MYH3: variants seen among roughly 807,000 people sequenced by gnomAD.
MYH3 encodes myosin-3.
A neutral mutation model predicts 238.0 loss-of-function variants in MYH3; 130 were observed. The ratio of observed to expected loss-of-function variants is 0.55; its 90% CI spans 0.47 to 0.63. The LOEUF (loss-of-function observed/expected upper bound fraction) is 0.63, where lower values mean the gene tolerates loss of function less well. Ranked by LOEUF, MYH3 falls within the 30% of genes least tolerant of loss-of-function variation. The pLI is 0.00. For missense variants in MYH3, 1,853 were observed against 2,374.9 expected (o/e 0.78, Z 4.57); for synonymous variants, 880 against 924.1 (o/e 0.95, Z 0.86).
At chr17:10,665,610 A>G in the MYH3 span, among the ~76,000 whole-genome samples, 1 of 152,218 alleles carries the variant, frequency 6.6e-6, no homozygotes, top group Non-Finnish European at 1.5e-5. Flanking sequence ...AACAGGAGAT[A>G]TGCAAAACTT....
intron 28 of MYH3, among the ~76,000 whole-genome samples, chr17:10,637,181 T>C (rs1160397051): frequency 6.6e-6 from 1 of 151,792 alleles, no homozygotes; most frequent in Non-Finnish European, 1.5e-5. Context: ...TGCCTCAGCC[T>C]CCCAAGTAGC....
At chr17:10,648,957 G>A (rs769465178) in intron 7 of MYH3, among the ~76,000 whole-genome samples, 16 of 152,072 alleles carry the variant, frequency 1.1e-4, no homozygotes, top group Non-Finnish European at 2.1e-4. Flanking sequence ...TTACAGGCGT[G>A]AGCCACCGAG....
At chr17:10,651,716 T>C (rs1374279167) in intron 4 of MYH3, 48 bp from the exon 5 acceptor site, 1 of 1,595,136 alleles carries the variant, frequency 6.3e-7, no homozygotes, top group Non-Finnish European at 8.6e-7. Flanking sequence ...TATGTGCATA[T>C]GGAAAACCCC....
chr17:10,639,037 G>C lies in MYH3; in HGVS notation c.3248+7C>G, dbSNP rs376066845. 7 of 1,614,060 alleles carry C rather than the reference G, an allele frequency of 4.3e-6. No homozygotes were observed. The highest frequency in any genetic ancestry group is 5.1e-6 in the Non-Finnish European group (6 of 1,180,026). ...GCAAAATGGAAGCCAGTGGTTGAAG[G>C]GCATACTTCTTGAGCCTTTCGTCCA... On this transcript the variant is annotated splice_region_variant and intron_variant, in intron 25 of 40. Transcript: ENST00000583535.
At chr17:10,644,825 A>G (rs1008002192) in intron 12 of MYH3, 123 bp from the exon 13 acceptor site, 1 of 775,232 alleles carries the variant, frequency 1.3e-6, no homozygotes, top group Non-Finnish European at 2.3e-6. Flanking sequence ...GCTAAACTGC[A>G]TATACATGGC....
chr17:10,653,909 C>G (rs1816039798), intron 3 of MYH3, among the ~76,000 whole-genome samples: 1 of 152,166 alleles, frequency 6.6e-6, no homozygotes. Flanking sequence ...ATTGGAAATA[C>G]ACAGAGAGCC....
In MYH3 at chr17:10,635,872, A is replaced by G. The variant is rs1469985513; in HGVS notation, c.3857-19T>C. ...AGCTCACCTGTGTCCAGAAGGAAAT[A>G]GTTTCATTTCATTTATTCACTCATT... On this transcript the variant is annotated intron_variant, in intron 28 of 40. Transcript: ENST00000583535. The G allele has an allele frequency of 1.3e-6, 2 of 1,594,340 alleles. No homozygotes were observed. The highest frequency in any genetic ancestry group is 2.7e-5 in the African/African-American group (2 of 74,470).
the MYH3 span, among the ~76,000 whole-genome samples, chr17:10,669,620 C>A: frequency 6.6e-6 from 1 of 150,552 alleles, no homozygotes; most frequent in African/African-American, 2.4e-5. Flanking sequence ...AAGTCATCTT[C>A]AGGTTGGGCA....
intron 28 of MYH3, 63 bp downstream of exon 28, chr17:10,637,746 G>C (rs1433446165): frequency 6.2e-7 from 1 of 1,610,244 alleles, no homozygotes; most frequent in Admixed American, 1.7e-5. Context: ...CTTGGTTTTG[G>C]CCAGCTACGC....
At chr17:10,675,161 C>T in the MYH3 span, 1 of 152,246 alleles carries the variant, frequency 6.6e-6, no homozygotes, top group East Asian at 1.9e-4. Flanking sequence ...GCCCCTTCAA[C>T]TGAGGGTGAG....
chr17:10,638,560 A>C, intron 26 of MYH3, 128 bp from the exon 27 acceptor site: 1 of 1,297,082 alleles, frequency 7.7e-7, no homozygotes, highest in Non-Finnish European at 1.1e-6. Flanking sequence ...TGAATACTGC[A>C]AATTTCCTTT....
intron 4 of MYH3, 75 bp downstream of exon 4, chr17:10,652,345 A>T: frequency 6.4e-7 from 1 of 1,557,640 alleles, no homozygotes; most frequent in Non-Finnish European, 8.8e-7. Context: ...CACGGCCCAC[A>T]CACATACCTC....
rs1267341190 is a variant in MYH3, at chr17:10,642,776, G to C, written c.1581+50C>G. On this transcript the variant is annotated intron_variant, in intron 15 of 40. Transcript: ENST00000583535. This position sits in a 1 kb window ranked among gnomAD's most constrained non-coding sequence, Gnocchi z 5.4. ...AGAGGTAAATATGAGCTGCAGTAAT[G>C]AGCAGAAGAGTCTATGAGAAGAGCT... The C allele has an allele frequency of 6.2e-7, 1 of 1,614,152 alleles. No homozygotes were observed. The highest frequency in any genetic ancestry group is 8.5e-7 in the Non-Finnish European group (1 of 1,180,014).
chr17:10,651,886 G>A (rs2074379608), intron 4 of MYH3: 7 of 581,010 alleles, frequency 1.2e-5, no homozygotes, highest in Admixed American at 9.7e-5. Flanking sequence ...TGGGACTACA[G>A]GTACATGCCA....
chr17:10,633,947 C>T, intron 32 of MYH3, 70 bp downstream of exon 32: 1 of 1,585,488 alleles, frequency 6.3e-7, no homozygotes, highest in Non-Finnish European at 8.6e-7. Flanking sequence ...TGAAGCCACA[C>T]CCACGCCAGC....
chr17:10,637,234 A>G lies in MYH3; in HGVS notation c.3856+575T>C, dbSNP rs146385830. ...ACCACCATGCCTCGCTAATTTTTGT[A>G]TTTTTAATAGAGACGGGGTTTCACC... is the stretch of plus-strand genomic sequence containing the variant. On this transcript the variant is annotated intron_variant, in intron 28 of 40. Coordinates refer to ENST00000583535, the MANE Select transcript of MYH3 (RefSeq NM_002470.4). Among the ~76,000 whole-genome samples the G allele has an allele frequency of 9.9e-5, 15 of 151,848 alleles. No homozygotes were observed. In the East Asian group the frequency reaches 3.0e-3, roughly 30 times the overall value.
intron 33 of MYH3, among the ~76,000 whole-genome samples, chr17:10,633,147 GGTTGCA>G (rs1213339117): frequency 6.6e-6 from 1 of 152,160 alleles, no homozygotes; most frequent in Non-Finnish European, 1.5e-5. Context: ...AGGAGACAGA[GGTTGCA>G]GTGGGCCTAG....
chr17:10,668,775 T>C, the MYH3 span, among the ~76,000 whole-genome samples: 4 of 152,306 alleles, frequency 2.6e-5, no homozygotes, highest in African/African-American at 9.6e-5. Flanking sequence ...CATCAGTAGT[T>C]TTCTGATGCT....
chr17:10,640,746 C>T (rs2074263700), intron 19 of MYH3, 60 bp from the exon 20 acceptor site: 2 of 1,585,102 alleles, frequency 1.3e-6, no homozygotes, highest in Non-Finnish European at 1.7e-6. Flanking sequence ...CCTTGGAGAA[C>T]ATGTAGTTCA....
Sources: gnomAD v4.1 joint callset for allele counts (sites outside exome capture counted in the v4.1 genomes callset) on GRCh38, gnomAD v4.1.1 for gene constraint, Gnocchi (gnomAD v3.1) non-coding constraint, MANE v1.5 for transcripts, NCBI Gene and HGNC (gene_info 2026-07-23, HGNC 2026-07-21) for gene names.